The following MAF variants were observed in gnomAD, a reference collection of about 807,000 sequenced individuals.
MAF encodes transcription factor Maf.
A neutral mutation model predicts 22.0 loss-of-function variants in MAF; 10 were observed. The ratio of observed to expected loss-of-function variants is 0.45; its 90% CI spans 0.28 to 0.77. The LOEUF (loss-of-function observed/expected upper bound fraction) is 0.77, where lower values mean the gene tolerates loss of function less well. Among genes scored for constraint, MAF ranks in the 30% least tolerant of loss-of-function variants. MAF has a pLI of 0.12. For missense variants in MAF, 544 were observed against 548.4 expected (o/e 0.99, Z 0.08); for synonymous variants, 337 against 255.8 (o/e 1.32, Z -3.03).
At chr16:79,354,113 G>A in the MAF span, among the ~76,000 whole-genome samples, 1 of 151,998 alleles carries the variant, frequency 6.6e-6, no homozygotes, top group African/African-American at 2.4e-5. Flanking sequence ...CCCCAGTTCA[G>A]CCTCCCAAGT....
the MAF span, among the ~76,000 whole-genome samples, chr16:79,473,061 G>A: frequency 3.9e-5 from 6 of 152,242 alleles, no homozygotes; most frequent in South Asian, 8.3e-4. Flanking sequence ...TAAGGGGAAC[G>A]AAGAAAAGTA....
At chr16:79,240,339 G>C in the MAF span, among the ~76,000 whole-genome samples, 1 of 150,932 alleles carries the variant, frequency 6.6e-6, no homozygotes, top group East Asian at 1.9e-4. Context: ...TGTATGCCTG[G>C]TGACATTTTA....
the MAF span, among the ~76,000 whole-genome samples, chr16:79,354,134 A>G: frequency 6.6e-6 from 1 of 152,028 alleles, no homozygotes; most frequent in African/African-American, 2.4e-5. Flanking sequence ...AGCTTGGACT[A>G]CAAGTGCGCA....
chr16:79,354,787 A>G, the MAF span, among the ~76,000 whole-genome samples: 27 of 152,352 alleles, frequency 1.8e-4, 1 homozygote, highest in South Asian at 5.6e-3. Context: ...GCCCAGAACC[A>G]TGGAAATGAT....
the MAF span, among the ~76,000 whole-genome samples, chr16:79,566,486 G>C: frequency 6.6e-6 from 1 of 152,168 alleles, no homozygotes; most frequent in Non-Finnish European, 1.5e-5. Context: ...AGGGCCCATG[G>C]GAGCATCTTG....
the MAF span, among the ~76,000 whole-genome samples, chr16:79,242,293 C>T: frequency 2.0e-5 from 3 of 150,942 alleles, no homozygotes; most frequent in Non-Finnish European, 4.4e-5. Flanking sequence ...TTCAGGAGAC[C>T]CATCTCATGT....
chr16:79,468,630 C>G, the MAF span, among the ~76,000 whole-genome samples: 1 of 152,176 alleles, frequency 6.6e-6, no homozygotes, highest in African/African-American at 2.4e-5. Context: ...CCTGGGCAGG[C>G]CAGGGGTGTT....
chr16:79,497,447 T>G, the MAF span, among the ~76,000 whole-genome samples: 1 of 152,206 alleles, frequency 6.6e-6, no homozygotes, highest in East Asian at 1.9e-4. Flanking sequence ...GCAGCGCTGC[T>G]ATGTACAGTT....
At chr16:79,596,368 T>G in intron 1 of MAF, 2 of 1,059,202 alleles carry the variant, frequency 1.9e-6, no homozygotes, top group Non-Finnish European at 2.3e-6. Flanking sequence ...CCTGAATTAC[T>G]GTCTCCCTAT....
chr16:79,354,206 T>G, the MAF span, among the ~76,000 whole-genome samples: 1 of 151,950 alleles, frequency 6.6e-6, no homozygotes, highest in Non-Finnish European at 1.5e-5. Context: ...TTGCCCAGAC[T>G]GCTCTCAAAG....
the MAF span, among the ~76,000 whole-genome samples, chr16:79,551,667 T>G: frequency 6.6e-6 from 1 of 152,184 alleles, no homozygotes; most frequent in Non-Finnish European, 1.5e-5. Flanking sequence ...GAGCTCAAAA[T>G]TATTTTACAT....
At chr16:79,327,279 A>T in the MAF span, among the ~76,000 whole-genome samples, 1 of 152,036 alleles carries the variant, frequency 6.6e-6, no homozygotes, top group Non-Finnish European at 1.5e-5. Flanking sequence ...GCTTGGCACA[A>T]CCCCTGACTT....
intron 1 of MAF, chr16:79,595,263 G>C: frequency 1.9e-6 from 2 of 1,047,930 alleles, no homozygotes; most frequent in African/African-American, 3.3e-5. Context: ...AGCACATAAA[G>C]GAAGGTCAAA....
the MAF span, among the ~76,000 whole-genome samples, chr16:79,276,103 T>C: frequency 6.6e-6 from 1 of 151,672 alleles, no homozygotes; most frequent in Non-Finnish European, 1.5e-5. Flanking sequence ...ATCGTGCCAC[T>C]TCATTCCATC....
chr16:79,434,536 A>C, the MAF span, among the ~76,000 whole-genome samples: 5 of 152,268 alleles, frequency 3.3e-5, 1 homozygote, highest in South Asian at 1.0e-3. Flanking sequence ...CACTAGAGCC[A>C]GTCCTTAAAT....
chr16:79,222,267 C>A, the MAF span, among the ~76,000 whole-genome samples: 2 of 152,258 alleles, frequency 1.3e-5, no homozygotes, highest in African/African-American at 4.8e-5. Flanking sequence ...AAATAAAATT[C>A]TTTACAGACA....
chr16:79,583,880 T>C (rs562921994), downstream of MAF, among the ~76,000 whole-genome samples: 154 of 152,316 alleles, frequency 1.0e-3, no homozygotes, highest in African/African-American at 3.5e-3. Flanking sequence ...AGTTGTTGTC[T>C]ATGTTAATCT....
At chr16:79,239,935 C>T in the MAF span, among the ~76,000 whole-genome samples, 16 of 152,116 alleles carry the variant, frequency 1.1e-4, no homozygotes, top group Admixed American at 7.2e-4. Context: ...CAGCACAACA[C>T]GAATGTTTTA....
chr16:79,272,846 G>C, the MAF span, among the ~76,000 whole-genome samples: 1 of 151,986 alleles, frequency 6.6e-6, no homozygotes, highest in Admixed American at 6.6e-5. Context: ...TTTGGTCTTG[G>C]CACCTGTTTG....
Sources: gnomAD v4.1 joint callset for allele counts (sites outside exome capture counted in the v4.1 genomes callset) on GRCh38, gnomAD v4.1.1 for gene constraint, MANE v1.5 for transcripts, NCBI Gene and HGNC (gene_info 2026-07-23, HGNC 2026-07-21) for gene names.